The following PANK3 variants were observed in gnomAD, a reference collection of about 807,000 sequenced individuals.
The protein encoded by PANK3 is hPanK3.
PANK3 carries 20 observed loss-of-function variants against 39.4 expected under a neutral mutation model. The ratio of observed to expected loss-of-function variants is 0.51; its 90% confidence interval spans 0.36 to 0.74. PANK3 has a LOEUF of 0.74. PANK3 is among the 30% of genes least tolerant of loss of function. The probability of loss-of-function intolerance (pLI) is 0.00; values close to 1 mark genes in which losing one functional copy is unlikely to be tolerated. For missense variants in PANK3, 265 were observed against 437.0 expected (o/e 0.61, Z 3.51); for synonymous variants, 140 against 157.3 (o/e 0.89, Z 0.82).
intron 2 of PANK3, among the ~76,000 whole-genome samples, chr5:168,567,958 AGTG>A (rs2113121344): frequency 6.6e-6 from 1 of 152,336 alleles, no homozygotes; most frequent in African/African-American, 2.4e-5. Flanking sequence ...AACAAATTTC[AGTG>A]GTCCTAAACA....
chr5:168,570,033 G>C (rs1401752163), intron 1 of PANK3, among the ~76,000 whole-genome samples: 1 of 152,024 alleles, frequency 6.6e-6, no homozygotes, highest in African/African-American at 2.4e-5. Context: ...TTAGGTAACA[G>C]AGTGAGATCC....
intron 1 of PANK3, among the ~76,000 whole-genome samples, chr5:168,572,708 A>AG (rs1759660533): frequency 6.6e-6 from 1 of 152,190 alleles, no homozygotes; most frequent in African/African-American, 2.4e-5. Flanking sequence ...TGCAAGTCAC[A>AG]GGGGATATGA....
rs2113099817 is a variant in PANK3 at position 168,554,762 on chromosome 5, GA to G, written c.*2808del. On this transcript the variant is annotated 3_prime_UTR_variant, in exon 7 of 7. Transcript: ENST00000239231. ...AGTTTCTGATTTGTATATCTGTACA[GA>G]TAAGAATCTTAATTGAATGACAGTA... 6.6e-6 allele frequency: 1 copy of G among 152,310 alleles called. No homozygotes were observed. The highest frequency in any genetic ancestry group is 6.5e-5 in the Admixed American group (1 of 15,298). The allele number at this position is 152,310 out of a possible 1,614,324, so 9.4% of individuals were successfully genotyped here.
Position 168,565,887 on chromosome 5 carries a change from T to TATATATATATATATA in PANK3, c.635+125_635+126insTATATATATATATAT, listed in dbSNP as rs57306546. The TATATATATATATATA allele has an allele frequency of 6.3e-4, 93 of 147,958 alleles. 4 individuals are homozygous for TATATATATATATATA. The highest frequency in any genetic ancestry group is 3.2e-3 in the East Asian group (9 of 2,808). 9.2% of individuals were successfully genotyped at this position (147,958 alleles called of 1,614,324 possible). A position where few individuals can be genotyped will look rare whatever the true frequency, so the allele number is the denominator to read the frequency against. ...AAAAAAAATATATATATATATATAT[T>TATATATATATATATA]TTTTTTTTTTGCTGTTGTGCAAATA... On this transcript the variant is annotated intron_variant, in intron 3 of 6. Transcript: ENST00000239231.
At chr5:168,566,812 C>T (rs899507965) in intron 2 of PANK3, among the ~76,000 whole-genome samples, 5 of 152,160 alleles carry the variant, frequency 3.3e-5, no homozygotes, top group African/African-American at 1.2e-4. Context: ...GGCATGATCT[C>T]GGCTCACTGC....
At chr5:168,578,961 G>C (rs1258097424) in intron 1 of PANK3, among the ~76,000 whole-genome samples, 2 of 152,200 alleles carry the variant, frequency 1.3e-5, no homozygotes. Context: ...GCTGGGAGAG[G>C]AGACTAGTCT....
chr5:168,560,296 C>T (rs1366626499), intron 5 of PANK3, among the ~76,000 whole-genome samples: 2 of 152,182 alleles, frequency 1.3e-5, no homozygotes, highest in African/African-American at 4.8e-5. Flanking sequence ...TTTGTTCTCT[C>T]TGCTGGAAGC....
chr5:168,566,081 G>A lies in PANK3; in HGVS notation c.567C>T (p.Asn189=). 2 of 1,613,806 alleles carry A rather than the reference G, an allele frequency of 1.2e-6. No individual in the cohort carries two copies. Among genetic ancestry groups the A allele is most frequent in the Non-Finnish European group, 1.7e-6 (2 of 1,179,946 alleles). ...LDDPYPLLVV[N]IGSGVSILAV... The stretch of plus-strand genomic sequence containing the variant: ...CTAAAATACTGACTCCTGAGCCAAT[G>A]TTCACTACAAGCAGTGGATAGGGAT... The change falls in exon 3 of 7, where the codon AAC becomes AAT. Residue 189 remains asparagine, a synonymous_variant. Transcript: ENST00000239231.
intron 4 of PANK3, among the ~76,000 whole-genome samples, chr5:168,563,590 A>T (rs1475097099): frequency 6.6e-6 from 1 of 152,172 alleles, no homozygotes; most frequent in Non-Finnish European, 1.5e-5. Flanking sequence ...ATAGTATGCC[A>T]TATAATGGTA....
rs376564853 is a variant in PANK3 at position 168,565,506 on chromosome 5, C to T, written c.635+507G>A. On this transcript the variant is annotated intron_variant, in intron 3 of 6. Coordinates refer to ENST00000239231, the MANE Select transcript of PANK3 (RefSeq NM_024594.4). Reference sequence around the variant, plus strand: ...AAAAAATAGGTAAAGAAGAAAAATGCTTTGGAAAAAAGAACAAAATATAAA... The same window carrying T: ...AAAAAATAGGTAAAGAAGAAAAATGTTTTGGAAAAAAGAACAAAATATAAA... Among the ~76,000 whole-genome samples the T allele has an allele frequency of 1.5e-3, 235 of 152,030 alleles. 2 individuals carry two copies. In the South Asian group the frequency reaches 0.039, roughly 25 times the overall value.
chr5:168,574,645 T>C (rs1480729835), intron 1 of PANK3, among the ~76,000 whole-genome samples: 2 of 152,154 alleles, frequency 1.3e-5, no homozygotes, highest in Non-Finnish European at 2.9e-5. Context: ...GTGGATCACC[T>C]GAGGTCGGGA....
At chr5:168,578,475 G>C (rs959325532) in intron 1 of PANK3, among the ~76,000 whole-genome samples, 3 of 152,202 alleles carry the variant, frequency 2.0e-5, no homozygotes, top group African/African-American at 7.2e-5. Context: ...TACTTAAAAA[G>C]AGTGACAATC....
chr5:168,565,467 T>G (rs1275042454), intron 3 of PANK3, among the ~76,000 whole-genome samples: 1 of 151,968 alleles, frequency 6.6e-6, no homozygotes, highest in Non-Finnish European at 1.5e-5. Context: ...TATATTAATA[T>G]CCATTAAAAA....
chr5:168,560,953 G>A (rs1257538371), intron 5 of PANK3: 3 of 514,794 alleles, frequency 5.8e-6, no homozygotes, highest in African/African-American at 1.9e-5. Context: ...AGGCAGCACT[G>A]TAAAGAAGCC....
chr5:168,559,123 A>T lies in PANK3; in HGVS notation c.971T>A (p.Leu324Ter). The change falls in exon 6 of 7, where the codon TTA becomes TAA. Residue 324 changes from leucine (L) to a stop codon, truncating the protein, a stop_gained. Coordinates refer to ENST00000239231, the MANE Select transcript of PANK3 (RefSeq NM_024594.4). LOFTEE classifies it high-confidence loss of function. ...INRVVFVGNF[L>*]RVNTLSMKLL... ...TTTCATTGAGAGGGTATTGACACGT[A>T]AAAAGTTTCCAACAAAGACAACTCT... is the stretch of plus-strand genomic sequence containing the variant. The T allele has an allele frequency of 6.3e-7, 1 of 1,581,904 alleles. No homozygotes were observed. Among genetic ancestry groups the T allele is most frequent in the Non-Finnish European group, 8.6e-7 (1 of 1,158,562 alleles).
At chr5:168,564,369 G>A (rs1759492945) in intron 3 of PANK3, among the ~76,000 whole-genome samples, 1 of 152,158 alleles carries the variant, frequency 6.6e-6, no homozygotes, top group Non-Finnish European at 1.5e-5. Flanking sequence ...AAGATAAATT[G>A]TTGTGTGTGC....
In PANK3 at chr5:168,568,850, T is replaced by A; in HGVS notation, c.177A>T (p.Gly59=). The change falls in exon 2 of 7, where the codon GGA becomes GGT. Residue 59 remains glycine (G), a synonymous_variant. Coordinates refer to ENST00000239231, the MANE Select transcript of PANK3 (RefSeq NM_024594.4). ...GGTGTACATCCCGAATGCCGGTGGA[T>A]CCATATGCCACGTTAGAAGTCAAAT... ...RKYLTSNVAY[G]STGIRDVHLE... is the part of the protein sequence containing the mutation. 1.9e-6 allele frequency: 3 copies of A among 1,613,816 alleles called. No individual in the cohort carries two copies. Among genetic ancestry groups the A allele is most frequent in the Non-Finnish European group, 2.5e-6 (3 of 1,179,960 alleles).
At position 168,557,275 on chromosome 5, in the gene PANK3, A is replaced by T; in HGVS notation, c.*296T>A. 9.8e-6 allele frequency: 2 copies of T among 204,812 alleles called. No homozygotes were observed. Among genetic ancestry groups the T allele is most frequent in the Non-Finnish European group, 2.0e-5 (2 of 100,786 alleles). The allele number at this position is 204,812 out of a possible 1,614,324, so 12.7% of individuals were successfully genotyped here. On this transcript the variant is annotated 3_prime_UTR_variant, in exon 7 of 7. Transcript: ENST00000239231. ...TCCGATACTTTAAGATTTGTGTTTG[A>T]GCATACAGTACTGCAATGTTGGCTA...
intron 1 of PANK3, among the ~76,000 whole-genome samples, chr5:168,575,922 T>C (rs1759724850): frequency 6.6e-6 from 1 of 152,180 alleles, no homozygotes; most frequent in Non-Finnish European, 1.5e-5. Context: ...AACAAAATTA[T>C]AAAGTTAGCA....
Sources: gnomAD v4.1 joint callset for allele counts (sites outside exome capture counted in the v4.1 genomes callset) on GRCh38, gnomAD v4.1.1 for gene constraint, MANE v1.5 for transcripts, NCBI Gene and HGNC (gene_info 2026-07-23, HGNC 2026-07-21) for gene names.